ANKRD30B: variants seen among roughly 807,000 people sequenced by gnomAD.
ANKRD30B encodes ankyrin repeat domain 30B, also known as ankyrin repeat domain-containing protein 30B.
Under a neutral mutation model 202.2 loss-of-function variants are expected in ANKRD30B, and 144 were observed. That is an observed-to-expected ratio of 0.71 (90% confidence interval 0.62 to 0.82). ANKRD30B has a LOEUF of 0.82. ANKRD30B is among the 40% of genes least tolerant of loss of function. ANKRD30B has a pLI of 0.00. For synonymous variants in ANKRD30B, 508 were observed against 561.3 expected, an observed-to-expected ratio of 0.91 and a Z score of 1.34; for missense variants, 1,487 against 1,669.1, an observed-to-expected ratio of 0.89 and a Z score of 1.90.
At chr18:14,824,221 T>C (rs998496625) in intron 32 of ANKRD30B, among the ~76,000 whole-genome samples, 1 of 152,308 alleles carries the variant, frequency 6.6e-6, no homozygotes, top group South Asian at 2.1e-4. Context: ...AATTAGGCTG[T>C]CTTTCATAGC....
chr18:14,833,617 G>A (rs964747468), intron 34 of ANKRD30B, among the ~76,000 whole-genome samples: 20 of 152,012 alleles, frequency 1.3e-4, no homozygotes, highest in African/African-American at 4.8e-4. Flanking sequence ...TTAGGTGTTG[G>A]CTGAAGACCA....
intron 14 of ANKRD30B, among the ~76,000 whole-genome samples, chr18:14,786,275 C>A (rs1400474209): frequency 5.3e-5 from 8 of 152,054 alleles, no homozygotes; most frequent in Non-Finnish European, 8.8e-5. Flanking sequence ...CTCCTCAAGT[C>A]TTGTGTGGGC....
intron 14 of ANKRD30B, among the ~76,000 whole-genome samples, chr18:14,785,052 CTGTT>C (rs1246683374): frequency 2.0e-5 from 3 of 151,840 alleles, no homozygotes; most frequent in African/African-American, 4.8e-5. Flanking sequence ...CTGTGTGTGT[CTGTT>C]TATGTGTGTG....
intron 10 of ANKRD30B, 110 bp from the exon 11 acceptor site, chr18:14,779,850 G>T: frequency 1.4e-6 from 1 of 701,266 alleles, no homozygotes; most frequent in Non-Finnish European, 2.4e-6. Flanking sequence ...AGAATATACA[G>T]GCTCCAGAAG....
intron 4 of ANKRD30B, among the ~76,000 whole-genome samples, chr18:14,756,248 GTTGT>G (rs1406662029): frequency 1.3e-5 from 2 of 152,110 alleles, no homozygotes; most frequent in African/African-American, 4.8e-5. Flanking sequence ...TTTTGATGGG[GTTGT>G]TTGTTTTTTT....
chr18:14,815,406 C>T (rs1044904073), intron 30 of ANKRD30B, among the ~76,000 whole-genome samples: 1 of 151,936 alleles, frequency 6.6e-6, no homozygotes, highest in African/African-American at 2.4e-5. Context: ...AGGGATTCTG[C>T]ATTTTTAGTA....
At position 14,852,177 on chromosome 18, in the gene ANKRD30B, C is replaced by A. The variant is rs776078213; in HGVS notation, c.4233C>A (p.His1411Gln). Residue 1411 changes from histidine to glutamine, a missense_variant, in exon 42 of 44, where the codon CAC becomes CAA. By Grantham distance (24) the His-to-Gln change is conservative. Coordinates refer to ENST00000690538, the MANE Select transcript of ANKRD30B (RefSeq NM_001367607.2). The stretch of plus-strand genomic sequence containing the variant: ...ATGAACAAGATAATGTGGACAAACA[C>A]ACTGAACAGCAGGAGTCTCTGGAGC... ...YQNEQDNVDK[H>Q]TEQQESLEQK... 5 of 1,594,366 alleles carry A rather than the reference C, an allele frequency of 3.1e-6. No individual in the cohort carries two copies. The highest frequency in any genetic ancestry group is 1.4e-5 in the African/African-American group (1 of 73,546).
the ANKRD30B span, among the ~76,000 whole-genome samples, chr18:14,915,004 G>A: frequency 2.0e-5 from 3 of 152,114 alleles, no homozygotes; most frequent in South Asian, 6.2e-4. Context: ...ATCCAGTTTT[G>A]AAGGGTCCCA....
Position 14,807,985 on chromosome 18 carries a change from G to C in ANKRD30B, c.2285-566G>C, listed in dbSNP as rs1969626982. 2.0e-5 allele frequency among the ~76,000 whole-genome samples: 3 copies of C among 151,002 alleles called. No individual in the cohort carries two copies. The South Asian group carries it at 6.3e-4, about 32-fold the overall frequency. The stretch of plus-strand genomic sequence containing the variant: ...TATATTCATAACTTTTATTCTATAA[G>C]TAGATATTTATGCTGATAAATTTAG... On this transcript the variant is annotated intron_variant, in intron 24 of 43. Transcript: ENST00000690538.
the ANKRD30B span, among the ~76,000 whole-genome samples, chr18:14,907,925 T>C: frequency 2.6e-5 from 4 of 152,082 alleles, no homozygotes; most frequent in Admixed American, 1.3e-4. Flanking sequence ...AAAGTTTGAA[T>C]TTTCCCCAGA....
chr18:14,772,258 C>G (rs1193398257), intron 9 of ANKRD30B, 30 bp downstream of exon 9: 1 of 1,370,174 alleles, frequency 7.3e-7, no homozygotes, highest in Admixed American at 2.3e-5. Context: ...AGTTGATTTT[C>G]TCAGTTGCAA....
the ANKRD30B span, among the ~76,000 whole-genome samples, chr18:14,919,987 G>C: frequency 6.6e-6 from 1 of 152,272 alleles, no homozygotes; most frequent in Admixed American, 6.5e-5. Context: ...CCTCTGAACT[G>C]TGCCTCATCC....
intron 7 of ANKRD30B, among the ~76,000 whole-genome samples, chr18:14,765,273 G>A (rs1915934379): frequency 6.6e-6 from 1 of 151,984 alleles, no homozygotes; most frequent in South Asian, 2.1e-4. Flanking sequence ...GAACAGCTTG[G>A]CCAATATGGT....
chr18:14,779,776 T>C (rs553420097), intron 10 of ANKRD30B, among the ~76,000 whole-genome samples, 184 bp from the exon 11 acceptor site: 1 of 152,358 alleles, frequency 6.6e-6, no homozygotes, highest in East Asian at 1.9e-4. Context: ...ATAAAGTTAA[T>C]TTTTAGATTT....
chr18:14,868,236 G>A, the ANKRD30B span, among the ~76,000 whole-genome samples: 3 of 152,282 alleles, frequency 2.0e-5, no homozygotes, highest in Non-Finnish European at 4.4e-5. Flanking sequence ...GCCCAGCCTG[G>A]GATGTGTAAG....
the ANKRD30B span, among the ~76,000 whole-genome samples, chr18:14,870,222 C>T: frequency 6.6e-6 from 1 of 152,328 alleles, no homozygotes; most frequent in African/African-American, 2.4e-5. Context: ...TCAGACAATC[C>T]TTCTGCCATG....
chr18:14,817,812 C>T (rs1269661802), intron 30 of ANKRD30B, among the ~76,000 whole-genome samples: 1 of 152,142 alleles, frequency 6.6e-6, no homozygotes, highest in African/African-American at 2.4e-5. Flanking sequence ...GAATGACCTT[C>T]TCATCATAAT....
intron 10 of ANKRD30B, among the ~76,000 whole-genome samples, chr18:14,778,396 G>A (rs1192525465): frequency 6.6e-6 from 1 of 152,116 alleles, no homozygotes; most frequent in East Asian, 1.9e-4. Flanking sequence ...AATAGAGGAT[G>A]GTAAAATAAA....
At chr18:14,853,528 G>A (rs899076944) in intron 42 of ANKRD30B, among the ~76,000 whole-genome samples, 1 of 132,642 alleles carries the variant, frequency 7.5e-6, no homozygotes, top group African/African-American at 2.8e-5. Flanking sequence ...ACCACCACTA[G>A]TCCTGCCTTT....
Sources: allele counts gnomAD v4.1 joint callset (sites outside exome capture counted in the v4.1 genomes callset), GRCh38; gene constraint gnomAD v4.1.1; transcripts MANE v1.5; gene names NCBI Gene and HGNC (gene_info 2026-07-23, HGNC 2026-07-21).